Variants in LRBA observed in about 807,000 individuals in gnomAD.
LRBA encodes LPS responsive beige-like anchor protein.
A neutral mutation model predicts 330.0 loss-of-function variants in LRBA; 176 were observed. That is an observed-to-expected ratio of 0.53 (90% confidence interval 0.47 to 0.60). The LOEUF (loss-of-function observed/expected upper bound fraction) is 0.60, where lower values mean the gene tolerates loss of function less well. Among genes scored for constraint, LRBA ranks in the 20% least tolerant of loss-of-function variants. The probability of loss-of-function intolerance (pLI) is 0.00; values close to 1 mark genes in which losing one functional copy is unlikely to be tolerated. For missense variants in LRBA, 3,259 were observed against 3,444.8 expected, an observed-to-expected ratio of 0.95 and a Z score of 1.35; for synonymous variants, 1,230 against 1,193.0, an observed-to-expected ratio of 1.03 and a Z score of -0.64.
At chr4:150,854,666 C>T (rs1322703336) in intron 22 of LRBA, among the ~76,000 whole-genome samples, 2 of 152,108 alleles carry the variant, frequency 1.3e-5, no homozygotes, top group African/African-American at 4.8e-5. Context: ...CTGCAGTAGG[C>T]CTCTCTGTTC....
chr4:150,769,164 C>T (rs1736197801), intron 34 of LRBA, among the ~76,000 whole-genome samples: 1 of 151,700 alleles, frequency 6.6e-6, no homozygotes, highest in Non-Finnish European at 1.5e-5. Flanking sequence ...AGGCTGGTCT[C>T]GAACTCCTGA....
At chr4:150,480,658 C>G (rs919703132) in intron 42 of LRBA, among the ~76,000 whole-genome samples, 1 of 151,972 alleles carries the variant, frequency 6.6e-6, no homozygotes, top group African/African-American at 2.4e-5. Flanking sequence ...GAAAGCTTAT[C>G]TTTCAATAAT....
At chr4:150,724,427 C>A (rs1729382250) in intron 36 of LRBA, among the ~76,000 whole-genome samples, 1 of 152,144 alleles carries the variant, frequency 6.6e-6, no homozygotes, top group Non-Finnish European at 1.5e-5. Context: ...CAAGTCCTTT[C>A]AAATACCTGG....
chr4:150,665,375 A>G (rs1305586302), intron 37 of LRBA, among the ~76,000 whole-genome samples: 1 of 152,162 alleles, frequency 6.6e-6, no homozygotes, highest in African/African-American at 2.4e-5. Context: ...GTTCTATATC[A>G]GTGTAGGGAC....
chr4:150,329,416 A>AT (rs138975297), intron 48 of LRBA, among the ~76,000 whole-genome samples: 3,385 of 152,252 alleles, frequency 0.022, 128 homozygotes, highest in African/African-American at 0.077. Flanking sequence ...TTTTTCATTC[A>AT]TCTTAATCTC....
intron 37 of LRBA, among the ~76,000 whole-genome samples, chr4:150,631,354 TG>T (rs1331172927): frequency 6.6e-6 from 1 of 152,132 alleles, no homozygotes; most frequent in African/African-American, 2.4e-5. Flanking sequence ...AAAAGGGACT[TG>T]TTTCTCGGAA....
At chr4:150,707,165 G>C (rs1157364750) in intron 36 of LRBA, among the ~76,000 whole-genome samples, 1 of 151,594 alleles carries the variant, frequency 6.6e-6, no homozygotes, top group African/African-American at 2.4e-5. Context: ...ATAAGGGGTG[G>C]AAGGCATCCT....
At chr4:150,402,800 A>T (rs13144557) in intron 47 of LRBA, among the ~76,000 whole-genome samples, 5 of 54,126 alleles carry the variant, frequency 9.2e-5, no homozygotes, top group Non-Finnish European at 1.9e-4. Context: ...TATATATATA[A>T]ATATAAATTC....
In LRBA at chr4:150,896,179, T is replaced by C. The variant is rs886067731; in HGVS notation, c.2067+215A>G. Among the ~76,000 whole-genome samples the C allele has an allele frequency of 5.3e-5, 8 of 152,208 alleles. 1 individual carries two copies. Among genetic ancestry groups the C allele is most frequent in the Non-Finnish European group, 7.3e-5 (5 of 68,036 alleles). ...TTAATTCAATGAAATCTAATGTTAG[T>C]ACTTTTTAAAGCCTTTCATGATGAT... is the stretch of plus-strand genomic sequence containing the variant. On this transcript the variant is annotated intron_variant, in intron 16 of 56. Transcript: ENST00000651943.
rs145651000 is a variant in LRBA at position 150,585,800 on chromosome 4, T to C, written c.6330+2248A>G. On this transcript the variant is annotated intron_variant, in intron 40 of 56. Transcript: ENST00000651943. Reference sequence around the variant, plus strand: ...ATGTTTTTAAAGGCAATTTTAAAGATCAGAGGAAGAAGTTTGAGAGGGGGA... The same window carrying C: ...ATGTTTTTAAAGGCAATTTTAAAGACCAGAGGAAGAAGTTTGAGAGGGGGA... Among the ~76,000 whole-genome samples, 24 of 152,252 alleles carry C rather than the reference T, an allele frequency of 1.6e-4. No individual in the cohort carries two copies. The East Asian group carries it at 4.2e-3, about 27-fold the overall frequency.
At chr4:150,526,828 G>T (rs1301287187) in intron 40 of LRBA, among the ~76,000 whole-genome samples, 1 of 151,934 alleles carries the variant, frequency 6.6e-6, no homozygotes, top group Non-Finnish European at 1.5e-5. Flanking sequence ...CCATTATCAT[G>T]TATAACAAAA....
At chr4:150,580,095 G>A (rs1025238336) in intron 40 of LRBA, 11 of 228,560 alleles carry the variant, frequency 4.8e-5, no homozygotes, top group Admixed American at 1.6e-4. Flanking sequence ...AGGGCGCGAG[G>A]TCCCCTAGAT....
At chr4:150,820,923 T>C (rs956011901) in intron 30 of LRBA, among the ~76,000 whole-genome samples, 2 of 152,078 alleles carry the variant, frequency 1.3e-5, no homozygotes, top group Admixed American at 6.6e-5. Flanking sequence ...ATAGTTAAGA[T>C]TGATCATGCA....
In LRBA at chr4:150,405,779, G is replaced by T. The variant is rs1177604051; in HGVS notation, c.7194+9659C>A. 3.3e-5 allele frequency among the ~76,000 whole-genome samples: 5 copies of T among 152,132 alleles called. No individual in the cohort carries two copies. The East Asian group carries it at 9.6e-4, about 29-fold the overall frequency. On this transcript the variant is annotated intron_variant, in intron 47 of 56. Transcript: ENST00000651943. ...TGTCATAATTTAAAATGCAGACTGGGTGCAGTCGCTCATGCCTATGAGCCC... is the reference window on the plus strand; with the variant it reads ...TGTCATAATTTAAAATGCAGACTGGTTGCAGTCGCTCATGCCTATGAGCCC...
In LRBA at chr4:150,746,805, C is replaced by T. The variant is rs191420954; in HGVS notation, c.5646-11439G>A. Among the ~76,000 whole-genome samples the T allele has an allele frequency of 4.1e-3, 624 of 152,140 alleles. 5 individuals carry two copies. Among genetic ancestry groups the T allele is most frequent in the African/African-American group, 0.014 (586 of 41,510 alleles). ...GATTATAGGTGTGAGCCACTACGCCCGGCCAAAAGTTGTTTTTCTTTGTAA... is the reference window on the plus strand; with the variant it reads ...GATTATAGGTGTGAGCCACTACGCCTGGCCAAAAGTTGTTTTTCTTTGTAA... On this transcript the variant is annotated intron_variant, in intron 35 of 56. Transcript: ENST00000651943.
chr4:150,743,360 C>T (rs1732269641), intron 35 of LRBA, among the ~76,000 whole-genome samples: 1 of 152,146 alleles, frequency 6.6e-6, no homozygotes, highest in East Asian at 1.9e-4. Context: ...AATTTCACTA[C>T]AACACTATTT....
At chr4:150,643,142 T>A (rs1184790044) in intron 37 of LRBA, among the ~76,000 whole-genome samples, 1 of 151,840 alleles carries the variant, frequency 6.6e-6, no homozygotes, top group African/African-American at 2.4e-5. Context: ...AATTCCAGGC[T>A]GGGCATATCT....
chr4:150,708,059 C>T (rs1785807721), intron 36 of LRBA, among the ~76,000 whole-genome samples: 1 of 151,736 alleles, frequency 6.6e-6, no homozygotes, highest in South Asian at 2.1e-4. Context: ...TGAGGGCCTG[C>T]AACTGATAGT....
At chr4:150,370,568 T>C (rs947232193) in intron 47 of LRBA, among the ~76,000 whole-genome samples, 2 of 152,172 alleles carry the variant, frequency 1.3e-5, no homozygotes, top group Non-Finnish European at 2.9e-5. Context: ...ATAAGGAATT[T>C]TTAGGACAGT....
Sources: gnomAD v4.1 joint callset for allele counts (sites outside exome capture counted in the v4.1 genomes callset) on GRCh38, gnomAD v4.1.1 for gene constraint, MANE v1.5 for transcripts, NCBI Gene and HGNC (gene_info 2026-07-23, HGNC 2026-07-21) for gene names.